Variants in ZFP64 observed in about 807,000 individuals in gnomAD.
ZFP64 encodes zinc finger protein 64.
Under a neutral mutation model 51.6 loss-of-function variants are expected in ZFP64, and 14 were observed. The ratio of observed to expected loss-of-function variants is 0.27; its 90% confidence interval spans 0.18 to 0.42. The LOEUF is 0.42. Ranked by LOEUF, ZFP64 falls within the 10% of genes least tolerant of loss-of-function variation. The pLI is 1.00. For synonymous variants in ZFP64, 375 were observed against 361.4 expected, an observed-to-expected ratio of 1.04 and a Z score of -0.43; for missense variants, 754 against 906.8, an observed-to-expected ratio of 0.83 and a Z score of 2.16.
chr20:52,124,659 G>C (rs78271372), intron 5 of ZFP64, among the ~76,000 whole-genome samples: 6,646 of 151,858 alleles, frequency 0.044, 518 homozygotes, highest in African/African-American at 0.15. Flanking sequence ...ACCCAGCCTG[G>C]AGTACAGTGG....
In ZFP64 at chr20:52,140,884, C is replaced by T. The variant is rs187377957; in HGVS notation, c.763+19239G>A. Reference sequence around the variant, plus strand: ...TTCAAAGCTTCAAAGGATAGGCTGACTTTCTTGTTAGGGGCTAATGTAGCT... The same window carrying T: ...TTCAAAGCTTCAAAGGATAGGCTGATTTTCTTGTTAGGGGCTAATGTAGCT... On this transcript the variant is annotated intron_variant, in intron 5 of 8. Coordinates refer to the ZFP64 transcript ENST00000361387. Among the ~76,000 whole-genome samples, 58 of 152,270 alleles carry T rather than the reference C, an allele frequency of 3.8e-4. 1 individual carries two copies. The East Asian group carries it at 0.011, about 29-fold the overall frequency.
Position 52,177,253 on chromosome 20 carries a change from G to A in ZFP64, c.286+9579C>T, listed in dbSNP as rs1983295231. Reference sequence around the variant, plus strand: ...GCTGTATTTTAAACACATTTTCCAGGTAATTTTTTGCACAGCAGCATTTGA... The same window carrying A: ...GCTGTATTTTAAACACATTTTCCAGATAATTTTTTGCACAGCAGCATTTGA... On this transcript the variant is annotated intron_variant, in intron 2 of 5. Coordinates refer to ENST00000216923, the MANE Select transcript of ZFP64 (RefSeq NM_018197.3). Among the ~76,000 whole-genome samples the A allele has an allele frequency of 2.6e-5, 4 of 152,106 alleles. No homozygotes were observed. The South Asian group carries it at 8.3e-4, about 32-fold the overall frequency.
At chr20:52,181,405 T>C (rs1182094543) in intron 2 of ZFP64, among the ~76,000 whole-genome samples, 1 of 152,192 alleles carries the variant, frequency 6.6e-6, no homozygotes, top group Non-Finnish European at 1.5e-5. Flanking sequence ...ATGGGATATA[T>C]TTCCATGAGC....
chr20:52,151,678 T>C lies in ZFP64; in HGVS notation c.*468A>G. On this transcript the variant is annotated 3_prime_UTR_variant, in exon 6 of 6. Coordinates refer to ENST00000216923, the MANE Select transcript of ZFP64 (RefSeq NM_018197.3). Reference sequence around the variant, plus strand: ...GGTGGTCTCAAAGTTGTTACAGTGTTAAAAAAATTATAGTAAGCAGTATAA... The same window carrying C: ...GGTGGTCTCAAAGTTGTTACAGTGTCAAAAAAATTATAGTAAGCAGTATAA... 1.0e-6 allele frequency: 1 copy of C among 992,224 alleles called. No individual in the cohort carries two copies. The highest frequency in any genetic ancestry group is 1.2e-6 in the Non-Finnish European group (1 of 833,464). 61.5% of individuals were successfully genotyped at this position (992,224 alleles called of 1,614,324 possible).
chr20:52,158,794 C>T (rs1043378714), intron 5 of ZFP64, among the ~76,000 whole-genome samples: 1 of 152,220 alleles, frequency 6.6e-6, no homozygotes, highest in Non-Finnish European at 1.5e-5. Flanking sequence ...TGACCTCTCA[C>T]TGTCAGTGAG....
At chr20:52,094,934 A>G (rs928327357) in intron 7 of ZFP64, among the ~76,000 whole-genome samples, 1 of 152,192 alleles carries the variant, frequency 6.6e-6, no homozygotes, top group Admixed American at 6.5e-5. Context: ...AGGCATGCCC[A>G]AAGCATGCCC....
chr20:52,095,047 A>G (rs2078973733), intron 7 of ZFP64, among the ~76,000 whole-genome samples: 2 of 152,358 alleles, frequency 1.3e-5, no homozygotes, highest in South Asian at 4.1e-4. Context: ...AGTCAGAAAG[A>G]GAAAGCTTAT....
exon 7 of ZFP64, chr20:52,097,388 G>A (rs1013704415): frequency 1.9e-6 from 3 of 1,612,914 alleles, no homozygotes; most frequent in African/African-American, 2.7e-5. Context: ...TGGATTCTGA[G>A]ATGGCGGTCC....
chr20:52,090,679 A>G (rs926995988), intron 7 of ZFP64, among the ~76,000 whole-genome samples: 10 of 152,120 alleles, frequency 6.6e-5, no homozygotes, highest in East Asian at 3.9e-4. Flanking sequence ...CACACCTGTA[A>G]TCCCAACTAC....
intron 1 of ZFP64, among the ~76,000 whole-genome samples, chr20:52,189,016 T>C (rs1984181366): frequency 1.3e-5 from 2 of 152,088 alleles, no homozygotes; most frequent in South Asian, 4.1e-4. Flanking sequence ...TAAGAAAATT[T>C]AGAAGAAACT....
intron 2 of ZFP64, among the ~76,000 whole-genome samples, chr20:52,178,581 G>C (rs574725459): frequency 6.6e-6 from 1 of 152,128 alleles, no homozygotes; most frequent in South Asian, 2.1e-4. Context: ...TGGATCCCCA[G>C]CTCCTTCAGA....
chr20:52,121,455 A>C (rs1979188191), intron 5 of ZFP64, among the ~76,000 whole-genome samples: 1 of 152,238 alleles, frequency 6.6e-6, no homozygotes, highest in African/African-American at 2.4e-5. Context: ...CGGAGGGTCA[A>C]ACCAGCTACA....
downstream of ZFP64, among the ~76,000 whole-genome samples, chr20:52,146,394 C>A (rs1470748440): frequency 7.8e-6 from 1 of 127,528 alleles, no homozygotes; most frequent in Non-Finnish European, 1.8e-5. Flanking sequence ...GAATACTATG[C>A]AGCCATAAAA....
chr20:52,166,232 T>G (rs1414731070), intron 2 of ZFP64, among the ~76,000 whole-genome samples: 5 of 145,544 alleles, frequency 3.4e-5, no homozygotes, highest in Non-Finnish European at 7.5e-5. Context: ...CTTTCCTCCC[T>G]GATTTAAAAT....
chr20:52,151,443 A>G lies in ZFP64; in HGVS notation c.*703T>C, dbSNP rs550677394. On this transcript the variant is annotated 3_prime_UTR_variant, in exon 6 of 6. Transcript: ENST00000216923. ...ACATGAACACCCCCAAACTCTGGGG[A>G]GTATTCCAGAATGGGGCAAAAGAGA... is the stretch of plus-strand genomic sequence containing the variant. The G allele has an allele frequency of 6.8e-5, 67 of 985,376 alleles. No homozygotes were observed. The East Asian group carries it at 4.1e-3, about 60-fold the overall frequency. The allele number at this position is 985,376 out of a possible 1,614,324, so 61.0% of individuals were successfully genotyped here. A position where few individuals can be genotyped will look rare whatever the true frequency, so the allele number is the denominator to read the frequency against.
chr20:52,101,882 G>A (rs1326200746), intron 5 of ZFP64, among the ~76,000 whole-genome samples: 1 of 148,954 alleles, frequency 6.7e-6, no homozygotes, highest in Non-Finnish European at 1.5e-5. Context: ...ATTTTGGGAG[G>A]CTGAGGCAGG....
intron 5 of ZFP64, among the ~76,000 whole-genome samples, chr20:52,100,348 C>T (rs1037764451): frequency 3.3e-5 from 5 of 152,200 alleles, no homozygotes; most frequent in Non-Finnish European, 5.9e-5. Flanking sequence ...TGGGTTCAAG[C>T]GATTCTCCTG....
chr20:52,147,045 A>G (rs1460648885), downstream of ZFP64, among the ~76,000 whole-genome samples: 2 of 152,248 alleles, frequency 1.3e-5, no homozygotes, highest in Non-Finnish European at 2.9e-5. Flanking sequence ...AAAATTCAGC[A>G]AGCTACCCTG....
chr20:52,118,358 T>C (rs1216812336), intron 5 of ZFP64, among the ~76,000 whole-genome samples: 1 of 152,094 alleles, frequency 6.6e-6, no homozygotes, highest in East Asian at 1.9e-4. Flanking sequence ...CCCCTACTGG[T>C]TTGAAAGCTC....
Sources: allele counts gnomAD v4.1 joint callset (sites outside exome capture counted in the v4.1 genomes callset), GRCh38; gene constraint gnomAD v4.1.1; transcripts MANE v1.5; gene names NCBI Gene and HGNC (gene_info 2026-07-23, HGNC 2026-07-21).